Variants in ZNF587 observed in about 807,000 individuals in gnomAD.
The protein encoded by ZNF587 is zinc finger protein zfp6.
Under a neutral mutation model 7.5 loss-of-function variants are expected in ZNF587, and 8 were observed. The ratio of observed to expected loss-of-function variants is 1.06; its 90% CI spans 0.62 to 1.92. The LOEUF (loss-of-function observed/expected upper bound fraction) is 1.92, where lower values mean the gene tolerates loss of function less well. Ranked by LOEUF, ZNF587 falls within the 40% of genes most tolerant of loss-of-function variation. The pLI is 0.00. For missense variants in ZNF587, 468 were observed against 692.8 expected (o/e 0.68, Z 3.64); for synonymous variants, 145 against 237.8 (o/e 0.61, Z 3.59).
Position 57,861,801 on chromosome 19 carries a change from C to G in ZNF587, c.*1661C>G, listed in dbSNP as rs1425522215. 1 of 100,666 alleles carries G rather than the reference C, an allele frequency of 9.9e-6. No homozygotes were observed. Among genetic ancestry groups the G allele is most frequent in the Non-Finnish European group, 1.8e-5 (1 of 54,334 alleles). The allele number at this position is 100,666 out of a possible 1,614,324, so 6.2% of individuals were successfully genotyped here. On this transcript the variant is annotated 3_prime_UTR_variant, in exon 3 of 3. Coordinates refer to ENST00000339656, the MANE Select transcript of ZNF587 (RefSeq NM_032828.4). Reference sequence around the variant, plus strand: ...TTTTTTTTTTTTTTCCAGATGGAGTCTAGCTCTGTCTCCTAAGCTACAGTG... The same window carrying G: ...TTTTTTTTTTTTTTCCAGATGGAGTGTAGCTCTGTCTCCTAAGCTACAGTG...
At chr19:57,858,269 G>A in intron 2 of ZNF587, 1 of 373,516 alleles carries the variant, frequency 2.7e-6, no homozygotes, top group Non-Finnish European at 4.9e-6. Flanking sequence ...TGGGATTACA[G>A]GTGTCCACAA....
In ZNF587 at chr19:57,862,747, G is replaced by A. The variant is rs1231987361; in HGVS notation, c.*2607G>A. The A allele has an allele frequency of 1.3e-5, 2 of 154,968 alleles. No homozygotes were observed. The highest frequency in any genetic ancestry group is 4.8e-5 in the African/African-American group (2 of 41,518). The allele number at this position is 154,968 out of a possible 1,614,324, so 9.6% of individuals were successfully genotyped here. ...ATTATCTGGGACACTGATACTGACA[G>A]GGAGATGGGACATTCTGAGGGACCC... On this transcript the variant is annotated 3_prime_UTR_variant, in exon 3 of 3. Transcript: ENST00000339656.
chr19:57,850,108 A>G lies in ZNF587; in HGVS notation c.33+37A>G, dbSNP rs555920556. The stretch of plus-strand genomic sequence containing the variant: ...GCCTTCTGTGCCCTCAGGTCACCCC[A>G]TCGTCACCCAGGTCCTAAACCAGCG... On this transcript the variant is annotated intron_variant, in intron 1 of 2. Transcript: ENST00000339656. The G allele has an allele frequency of 4.3e-5, 69 of 1,614,226 alleles. 1 individual carries two copies. The South Asian group carries it at 7.4e-4, about 17-fold the overall frequency.
In ZNF587 at chr19:57,859,986, G is replaced by T; in HGVS notation, c.1574G>T (p.Cys525Phe). The stretch of plus-strand genomic sequence containing the variant: ...CAAAAGCCTTATAAGTGCAGTGAAT[G>T]TGGAAAATCCTTTTCTGAATGTTCC... Reference protein sequence around the residue: ...SGQKPYKCSECGKSFSECSSL... With the variant: ...SGQKPYKCSEFGKSFSECSSL... Residue 525 changes from cysteine (C) to phenylalanine (F), a missense_variant, in exon 3 of 3, where the codon TGT (cysteine) becomes TTT (phenylalanine). Physicochemically the swap from Cys to Phe is radical, Grantham distance 205. This residue lies in a region of ZNF587 where 310 missense variants were observed against 325.6 expected (regional missense o/e 0.95). Transcript: ENST00000339656. The T allele has an allele frequency of 6.2e-7, 1 of 1,614,132 alleles. No individual in the cohort carries two copies. Among genetic ancestry groups the T allele is most frequent in the Non-Finnish European group, 8.5e-7 (1 of 1,180,006 alleles).
intron 1 of ZNF587, chr19:57,852,357 A>C: frequency 2.5e-6 from 1 of 398,630 alleles, no homozygotes; most frequent in East Asian, 3.6e-5. Flanking sequence ...ACCTGGCTAC[A>C]GGCTTCATCT....
chr19:57,856,742 C>CT (rs2071360800), intron 2 of ZNF587, among the ~76,000 whole-genome samples: 1 of 152,076 alleles, frequency 6.6e-6, no homozygotes, highest in African/African-American at 2.4e-5. Context: ...CCAACACCTG[C>CT]TTTGCTCCAG....
intron 1 of ZNF587, chr19:57,852,490 G>C (rs540280145): frequency 2.8e-4 from 110 of 398,086 alleles, no homozygotes; most frequent in African/African-American, 1.9e-3. Context: ...CATGGGTCTG[G>C]ATTCAGGATT....
intron 1 of ZNF587, chr19:57,850,416 G>T (rs938562459): frequency 7.0e-6 from 4 of 569,876 alleles, no homozygotes; most frequent in African/African-American, 1.9e-5. Context: ...GGGAAGTGGG[G>T]AGTGCTGATC....
chr19:57,854,535 G>T (rs1425176271), intron 1 of ZNF587, among the ~76,000 whole-genome samples: 1 of 151,588 alleles, frequency 6.6e-6, no homozygotes, highest in Non-Finnish European at 1.5e-5. Flanking sequence ...CTTAAAAGGT[G>T]TGAGTACAAA....
intron 1 of ZNF587, among the ~76,000 whole-genome samples, chr19:57,854,699 C>T (rs2071328751): frequency 6.6e-6 from 1 of 151,902 alleles, no homozygotes; most frequent in Admixed American, 6.6e-5. Flanking sequence ...ATTGCATATT[C>T]CCAAGGGAAT....
At chr19:57,852,111 T>C (rs2071288436) in intron 1 of ZNF587, 1 of 373,036 alleles carries the variant, frequency 2.7e-6, no homozygotes, top group South Asian at 1.5e-4. Context: ...ACAGGTTCTC[T>C]AGCTTGTGGT....
chr19:57,855,559 T>TTTTTCG (rs2071342315), intron 1 of ZNF587, among the ~76,000 whole-genome samples: 1 of 146,854 alleles, frequency 6.8e-6, no homozygotes, highest in Non-Finnish European at 1.5e-5. Flanking sequence ...GGTGTGGGCT[T>TTTTTCG]TTTTTGTTTT....
intron 1 of ZNF587, among the ~76,000 whole-genome samples, chr19:57,853,132 C>T (rs1302051033): frequency 6.6e-6 from 1 of 152,160 alleles, no homozygotes; most frequent in Non-Finnish European, 1.5e-5. Flanking sequence ...GGATTATAGG[C>T]ACGAGCCACC....
rs1482101661 is a variant in ZNF587 at position 57,863,580 on chromosome 19, T to G, written c.*3440T>G. 6.6e-6 allele frequency: 1 copy of G among 152,194 alleles called. No individual in the cohort carries two copies. The highest frequency in any genetic ancestry group is 2.4e-5 in the African/African-American group (1 of 41,456). The allele number at this position is 152,194 out of a possible 1,614,324, so 9.4% of individuals were successfully genotyped here. Reference sequence around the variant, plus strand: ...TTGTCTTTGCAACATTTTTTAGATATGTATTTGTGTTTTTTGGGGAGCTTA... The same window carrying G: ...TTGTCTTTGCAACATTTTTTAGATAGGTATTTGTGTTTTTTGGGGAGCTTA... On this transcript the variant is annotated 3_prime_UTR_variant, in exon 3 of 3. Transcript: ENST00000339656.
chr19:57,851,963 T>G (rs866884260), intron 1 of ZNF587: 14 of 178,564 alleles, frequency 7.8e-5, no homozygotes, highest in African/African-American at 2.4e-4. Flanking sequence ...GTTCAGGGAG[T>G]CCTGAGCTTA....
Position 57,850,052 on chromosome 19 carries a change from T to C in ZNF587, c.14T>C (p.Val5Ala), listed in dbSNP as rs199622081. 1.8e-4 allele frequency: 286 copies of C among 1,614,090 alleles called. No homozygotes were observed. Among genetic ancestry groups the C allele is most frequent in the South Asian group, 4.2e-4 (38 of 91,068 alleles). The change falls in exon 1 of 3, where the codon GTG becomes GCG. Residue 5 changes from valine (V) to alanine (A), a missense_variant. Physicochemically the swap from Val to Ala is moderately conservative, Grantham distance 64. Coordinates refer to ENST00000339656, the MANE Select transcript of ZNF587 (RefSeq NM_032828.4). MAAA[V>A]PRRPTQQGTV... The stretch of plus-strand genomic sequence containing the variant: ...CCAAGTAGTCCGATGGCAGCGGCTG[T>C]GCCGAGGCGCCCAACTCAGGTAATT...
In ZNF587 at chr19:57,856,111, C is replaced by G; in HGVS notation, c.41C>G (p.Thr14Ser). 1 of 1,612,708 alleles carries G rather than the reference C, an allele frequency of 6.2e-7. No homozygotes were observed. Among genetic ancestry groups the G allele is most frequent in the Admixed American group, 1.7e-5 (1 of 59,488 alleles). ...AVPRRPTQQG[T>S]VTFEDVAVNF... is the part of the protein sequence containing the mutation. ...CATCTGTCACTATCATAGCAGGGCA[C>G]TGTGACCTTTGAAGATGTGGCTGTG... Residue 14 changes from threonine to serine, a missense_variant, in exon 2 of 3, where the codon ACT (threonine) becomes AGT (serine). By Grantham distance (58) the Thr-to-Ser change is moderately conservative. Transcript: ENST00000339656.
At chr19:57,854,732 AT>A (rs2071329290) in intron 1 of ZNF587, among the ~76,000 whole-genome samples, 1 of 151,920 alleles carries the variant, frequency 6.6e-6, no homozygotes, top group African/African-American at 2.4e-5. Flanking sequence ...TACCCTCTTC[AT>A]CTTGTGAAAT....
At position 57,862,857 on chromosome 19, in the gene ZNF587, G is replaced by A. The variant is rs1043664750; in HGVS notation, c.*2717G>A. 2 of 155,010 alleles carry A rather than the reference G, an allele frequency of 1.3e-5. No individual in the cohort carries two copies. The highest frequency in any genetic ancestry group is 4.8e-5 in the African/African-American group (2 of 41,498). 9.6% of individuals were successfully genotyped at this position (155,010 alleles called of 1,614,324 possible). A position where few individuals can be genotyped will look rare whatever the true frequency, so the allele number is the denominator to read the frequency against. On this transcript the variant is annotated 3_prime_UTR_variant, in exon 3 of 3. Coordinates refer to ENST00000339656, the MANE Select transcript of ZNF587 (RefSeq NM_032828.4). ...ACTCTGAATTATTCTTCCTCTTATG[G>A]CTGACCAAAAACATGGAACCTCACA...
Sources: allele counts gnomAD v4.1 joint callset (sites outside exome capture counted in the v4.1 genomes callset), GRCh38; gene constraint gnomAD v4.1.1; regional missense constraint gnomAD v4.1.1; transcripts MANE v1.5; gene names NCBI Gene and HGNC (gene_info 2026-07-23, HGNC 2026-07-21).